AGBL4: variants seen among roughly 807,000 people sequenced by gnomAD.
The protein encoded by AGBL4 is cytosolic carboxypeptidase 6.
In AGBL4, 58 loss-of-function variants were observed where a neutral mutation model predicts 66.4. That is an observed-to-expected ratio of 0.87 (90% confidence interval 0.71 to 1.09). The LOEUF (loss-of-function observed/expected upper bound fraction) is 1.09. Among genes scored for constraint, AGBL4 ranks in the 50% least tolerant of loss-of-function variants. The pLI, the probability that AGBL4 is intolerant of heterozygous loss-of-function variation, is 0.00. For synonymous variants in AGBL4, 234 were observed against 222.9 expected, an observed-to-expected ratio of 1.05 and a Z score of -0.44; for missense variants, 579 against 631.0, an observed-to-expected ratio of 0.92 and a Z score of 0.88.
rs12029612 is a variant in AGBL4 at position 48,780,633 on chromosome 1, A to G, written c.634+86558T>C. On this transcript the variant is annotated intron_variant, in intron 6 of 13. Coordinates refer to ENST00000371839, the MANE Select transcript of AGBL4 (RefSeq NM_032785.4). ...CTCAGAAATAATGCCACACATCTAC[A>G]ACCATCTGATGTTTGACAAACCTGA... 6.4e-4 allele frequency among the ~76,000 whole-genome samples: 98 copies of G among 152,308 alleles called. 2 individuals are homozygous for G. The East Asian group carries it at 0.017, about 27-fold the overall frequency.
At chr1:49,747,582 T>C (rs973160553) in intron 2 of AGBL4, among the ~76,000 whole-genome samples, 3 of 152,196 alleles carry the variant, frequency 2.0e-5, no homozygotes, top group African/African-American at 4.8e-5. Context: ...CTGTATTTAA[T>C]AGCATTTGAT....
intron 9 of AGBL4, among the ~76,000 whole-genome samples, chr1:48,592,712 T>C (rs1019463241): frequency 1.2e-4 from 18 of 152,216 alleles, no homozygotes; most frequent in South Asian, 2.1e-4. Context: ...TATCTCTCGA[T>C]GTCAGAGCTA....
intron 4 of AGBL4, among the ~76,000 whole-genome samples, chr1:49,128,824 G>A (rs1031214065): frequency 5.3e-5 from 8 of 151,414 alleles, no homozygotes; most frequent in Non-Finnish European, 1.2e-4. Flanking sequence ...TTTTAAATAG[G>A]ATACAGAAAG....
chr1:49,896,774 T>C (rs938062178), intron 1 of AGBL4, among the ~76,000 whole-genome samples: 1 of 151,830 alleles, frequency 6.6e-6, no homozygotes, highest in Admixed American at 6.6e-5. Context: ...CCAAGTAGGA[T>C]TTCTCCCTGG....
chr1:49,206,900 G>GGA (rs1467839057), intron 4 of AGBL4, among the ~76,000 whole-genome samples: 2 of 147,158 alleles, frequency 1.4e-5, no homozygotes, highest in African/African-American at 5.1e-5. Context: ...GGAGAGGAGA[G>GGA]GAGAGGAGAG....
intron 3 of AGBL4, among the ~76,000 whole-genome samples, chr1:49,472,950 T>C (rs1242496537): frequency 6.6e-6 from 1 of 152,022 alleles, no homozygotes; most frequent in Non-Finnish European, 1.5e-5. Context: ...TTAATTCGCT[T>C]AGGATAGTGG....
At chr1:49,288,579 C>T (rs893788150) in intron 3 of AGBL4, among the ~76,000 whole-genome samples, 1 of 152,120 alleles carries the variant, frequency 6.6e-6, no homozygotes, top group Non-Finnish European at 1.5e-5. Flanking sequence ...CTAAGCTGCT[C>T]ATATACATGG....
chr1:48,793,264 G>T (rs1327713044), intron 6 of AGBL4, among the ~76,000 whole-genome samples: 3 of 152,096 alleles, frequency 2.0e-5, no homozygotes, highest in Non-Finnish European at 4.4e-5. Flanking sequence ...ATAAAGCAAA[G>T]GATCCTTTTC....
At chr1:49,818,686 T>C (rs1235615298) in intron 2 of AGBL4, among the ~76,000 whole-genome samples, 1 of 152,132 alleles carries the variant, frequency 6.6e-6, no homozygotes, top group Admixed American at 6.6e-5. Context: ...CAATATGATA[T>C]GTGTATATGT....
At chr1:49,845,016 A>G (rs1408084245) in intron 2 of AGBL4, 4 of 1,429,790 alleles carry the variant, frequency 2.8e-6, no homozygotes, top group Non-Finnish European at 3.8e-6. Context: ...GAACACGTGG[A>G]AAAAGGGAGA....
intron 3 of AGBL4, among the ~76,000 whole-genome samples, chr1:49,443,711 T>A (rs1646089752): frequency 6.6e-6 from 1 of 151,496 alleles, no homozygotes; most frequent in South Asian, 2.1e-4. Context: ...CCTCCAGCCT[T>A]GTTCTTTCAT....
At chr1:49,009,318 A>T (rs927192625) in intron 5 of AGBL4, among the ~76,000 whole-genome samples, 1 of 152,184 alleles carries the variant, frequency 6.6e-6, no homozygotes, top group Non-Finnish European at 1.5e-5. Flanking sequence ...CCCTCCCAAG[A>T]CTAAACCAGG....
intron 3 of AGBL4, among the ~76,000 whole-genome samples, chr1:49,380,928 C>T (rs377740274): frequency 2.8e-4 from 42 of 152,144 alleles, no homozygotes; most frequent in East Asian, 2.1e-3. Context: ...TCAGGACATA[C>T]GCATGGGCAA....
intron 1 of AGBL4, among the ~76,000 whole-genome samples, chr1:49,875,180 A>T (rs1454412832): frequency 6.8e-6 from 1 of 147,102 alleles, no homozygotes; most frequent in Non-Finnish European, 1.5e-5. Context: ...TTATACTTTA[A>T]GTTTTAGGGT....
chr1:49,693,808 G>A (rs1367067999), intron 3 of AGBL4, among the ~76,000 whole-genome samples: 1 of 152,012 alleles, frequency 6.6e-6, no homozygotes, highest in African/African-American at 2.4e-5. Flanking sequence ...ATTTAAATAA[G>A]AAGATCTGCT....
At chr1:48,772,851 C>T (rs911387674) in intron 6 of AGBL4, among the ~76,000 whole-genome samples, 5 of 152,256 alleles carry the variant, frequency 3.3e-5, no homozygotes, top group Admixed American at 3.3e-4. Context: ...GCAAAGCCCA[C>T]CTTGAATTGG....
At chr1:49,450,176 C>A (rs2787693) in intron 3 of AGBL4, among the ~76,000 whole-genome samples, 103,433 of 151,860 alleles carry the variant, frequency 0.68, 36,047 homozygotes, top group African/African-American at 0.77. Context: ...GAGAACAATC[C>A]AGGGAAAAGA....
At chr1:49,056,398 CA>C (rs1448481467) in intron 4 of AGBL4, among the ~76,000 whole-genome samples, 1 of 151,894 alleles carries the variant, frequency 6.6e-6, no homozygotes, top group Non-Finnish European at 1.5e-5. Flanking sequence ...TAGAGGGTAA[CA>C]TAGGGACTTT....
chr1:49,316,328 G>C (rs1645038048), intron 3 of AGBL4, among the ~76,000 whole-genome samples: 1 of 151,926 alleles, frequency 6.6e-6, no homozygotes, highest in Non-Finnish European at 1.5e-5. Flanking sequence ...ACTAATGCAA[G>C]ATGTTAATAA....
Sources: gnomAD v4.1 joint callset for allele counts (sites outside exome capture counted in the v4.1 genomes callset) on GRCh38, gnomAD v4.1.1 for gene constraint, MANE v1.5 for transcripts, NCBI Gene and HGNC (gene_info 2026-07-23, HGNC 2026-07-21) for gene names.